The following CTNNA3 variants were observed in gnomAD, a reference collection of about 807,000 sequenced individuals.
CTNNA3 encodes catenin alpha 3.
CTNNA3 carries 76 observed loss-of-function variants against 95.7 expected under a neutral mutation model. The observed-to-expected ratio is 0.79, with a 90% CI of 0.66 to 0.96. The LOEUF is 0.96. Ranked by LOEUF, CTNNA3 falls within the 40% of genes least tolerant of loss-of-function variation. The pLI, the probability that CTNNA3 is intolerant of heterozygous loss-of-function variation, is 0.00. For missense variants in CTNNA3, 1,191 were observed against 1,089.8 expected, an observed-to-expected ratio of 1.09 and a Z score of -1.31; for synonymous variants, 431 against 374.4, an observed-to-expected ratio of 1.15 and a Z score of -1.74.
chr10:66,044,027 A>T (rs6480130), intron 15 of CTNNA3, among the ~76,000 whole-genome samples: 1 of 150,680 alleles, frequency 6.6e-6, no homozygotes, highest in South Asian at 2.1e-4. Flanking sequence ...ATGGAGTCTC[A>T]CTATGTCACC....
At chr10:67,738,627 G>C (rs1011044709) in intron 1 of CTNNA3, among the ~76,000 whole-genome samples, 1 of 151,676 alleles carries the variant, frequency 6.6e-6, no homozygotes, top group African/African-American at 2.4e-5. Flanking sequence ...GGCTTCAGAT[G>C]ATCAAACTAC....
At position 66,304,563 on chromosome 10, in the gene CTNNA3, C is replaced by T. The variant is rs139517319; in HGVS notation, c.1733-23942G>A. Among the ~76,000 whole-genome samples, 352 of 152,072 alleles carry T rather than the reference C, an allele frequency of 2.3e-3. 2 individuals are homozygous for T. The highest frequency in any genetic ancestry group is 3.2e-3 in the Non-Finnish European group (216 of 67,988). On this transcript the variant is annotated intron_variant, in intron 12 of 17. Coordinates refer to ENST00000433211, the MANE Select transcript of CTNNA3 (RefSeq NM_013266.4). ...CATCAGTAGTACAATAAATATATTT[C>T]GATACATTTATATAATGGGGTAAAG...
intron 5 of CTNNA3, among the ~76,000 whole-genome samples, chr10:67,230,849 T>C (rs892607451): frequency 5.9e-5 from 9 of 152,132 alleles, no homozygotes; most frequent in Non-Finnish European, 1.3e-4. Flanking sequence ...GGGTGAGGCA[T>C]TGCCTCACTC....
chr10:67,589,213 C>A (rs1023548384), intron 3 of CTNNA3, among the ~76,000 whole-genome samples: 5 of 152,064 alleles, frequency 3.3e-5, no homozygotes, highest in Non-Finnish European at 5.9e-5. Flanking sequence ...TATTTGATTG[C>A]TTTTTCCTAT....
chr10:67,107,367 T>C (rs1051071927), intron 7 of CTNNA3, among the ~76,000 whole-genome samples: 1 of 152,208 alleles, frequency 6.6e-6, no homozygotes, highest in Non-Finnish European at 1.5e-5. Flanking sequence ...AGAATATTAA[T>C]CCTTTGTTTA....
intron 7 of CTNNA3, among the ~76,000 whole-genome samples, chr10:66,795,095 T>C (rs1237365938): frequency 6.6e-6 from 1 of 152,194 alleles, no homozygotes; most frequent in African/African-American, 2.4e-5. Context: ...AAATGCCTAA[T>C]ATAATGTTGA....
In CTNNA3 at chr10:65,914,833, A is replaced by G. The variant is rs1363346702; in HGVS notation, c.*5497T>C. ...ACTTCCCATGTACCTGACACTCTACATTCAGTTAATAGAGGTGAGAATATT... is the reference window on the plus strand; with the variant it reads ...ACTTCCCATGTACCTGACACTCTACGTTCAGTTAATAGAGGTGAGAATATT... On this transcript the variant is annotated 3_prime_UTR_variant, in exon 18 of 18. Coordinates refer to ENST00000433211, the MANE Select transcript of CTNNA3 (RefSeq NM_013266.4). 6.6e-6 allele frequency: 1 copy of G among 152,174 alleles called. No individual in the cohort carries two copies. The highest frequency in any genetic ancestry group is 1.5e-5 in the Non-Finnish European group (1 of 68,032). 9.4% of individuals were successfully genotyped at this position (152,174 alleles called of 1,614,324 possible).
intron 10 of CTNNA3, among the ~76,000 whole-genome samples, chr10:66,580,272 C>T (rs1370035253): frequency 6.6e-6 from 1 of 151,404 alleles, no homozygotes; most frequent in African/African-American, 2.4e-5. Context: ...TTCCCCTTTG[C>T]TTATTTTTAT....
intron 10 of CTNNA3, among the ~76,000 whole-genome samples, chr10:66,532,229 G>A (rs1309849780): frequency 6.6e-6 from 1 of 152,196 alleles, no homozygotes; most frequent in African/African-American, 2.4e-5. Flanking sequence ...TTAGGAGGCT[G>A]AGGGAGGTGG....
intron 13 of CTNNA3, among the ~76,000 whole-genome samples, chr10:66,109,557 C>T (rs2133771601): frequency 6.6e-6 from 1 of 152,284 alleles, no homozygotes; most frequent in East Asian, 1.9e-4. Context: ...AATTTTGGCT[C>T]ACTTGGCCCA....
intron 10 of CTNNA3, among the ~76,000 whole-genome samples, chr10:66,590,723 G>C (rs1843520885): frequency 6.6e-6 from 1 of 152,054 alleles, no homozygotes; most frequent in South Asian, 2.1e-4. Flanking sequence ...CTTATTTCTA[G>C]AGGGAGAAAA....
At chr10:66,405,280 T>G (rs1828595948) in intron 11 of CTNNA3, among the ~76,000 whole-genome samples, 1 of 152,142 alleles carries the variant, frequency 6.6e-6, no homozygotes, top group South Asian at 2.1e-4. Context: ...AAACTATGGT[T>G]GTGGTGTTAA....
intron 7 of CTNNA3, among the ~76,000 whole-genome samples, chr10:67,068,687 G>A (rs187662626): frequency 6.6e-6 from 1 of 152,344 alleles, no homozygotes; most frequent in East Asian, 1.9e-4. Flanking sequence ...GTTATCAACA[G>A]CAAATGACCC....
intron 7 of CTNNA3, among the ~76,000 whole-genome samples, chr10:66,901,712 A>G (rs1246335529): frequency 1.3e-5 from 2 of 152,188 alleles, no homozygotes; most frequent in Non-Finnish European, 2.9e-5. Context: ...GCCAAAAAAA[A>G]GCAGGGGTTG....
chr10:66,716,659 G>A (rs762833428), intron 9 of CTNNA3, among the ~76,000 whole-genome samples: 15 of 152,158 alleles, frequency 9.9e-5, no homozygotes, highest in Non-Finnish European at 4.4e-5. Flanking sequence ...GCCCTCTAAT[G>A]CATGGGGCCC....
intron 13 of CTNNA3, among the ~76,000 whole-genome samples, chr10:66,256,269 T>C (rs1057167087): frequency 2.6e-5 from 4 of 152,198 alleles, no homozygotes; most frequent in Non-Finnish European, 5.9e-5. Flanking sequence ...CCCAAAGCCC[T>C]GCAGGCCAAT....
intron 5 of CTNNA3, among the ~76,000 whole-genome samples, chr10:67,521,423 T>G (rs565306350): frequency 6.6e-5 from 10 of 152,306 alleles, no homozygotes; most frequent in African/African-American, 2.2e-4. Context: ...TTTGGCATAT[T>G]TATGACTATT....
chr10:67,313,459 AAAAT>A (rs567771380), intron 5 of CTNNA3, among the ~76,000 whole-genome samples: 149 of 151,950 alleles, frequency 9.8e-4, no homozygotes, highest in Non-Finnish European at 1.7e-3. Context: ...TAATAATAAT[AAAAT>A]AAACTTTAGC....
chr10:67,560,011 T>C (rs916564837), intron 3 of CTNNA3, among the ~76,000 whole-genome samples: 14 of 152,164 alleles, frequency 9.2e-5, no homozygotes, highest in African/African-American at 1.9e-4. Flanking sequence ...CTACGTCTGA[T>C]TGGTGTACCT....
Sources: gnomAD v4.1 joint callset for allele counts (sites outside exome capture counted in the v4.1 genomes callset) on GRCh38, gnomAD v4.1.1 for gene constraint, MANE v1.5 for transcripts, NCBI Gene and HGNC (gene_info 2026-07-23, HGNC 2026-07-21) for gene names.